KCNMB2: variants seen among roughly 807,000 people sequenced by gnomAD.
KCNMB2 encodes potassium calcium-activated channel subfamily M regulatory beta subunit 2.
A neutral mutation model predicts 24.5 loss-of-function variants in KCNMB2; 9 were observed. The observed-to-expected ratio is 0.37, with a 90% CI of 0.22 to 0.64. The LOEUF is 0.64. KCNMB2 is among the 30% of genes least tolerant of loss of function. The pLI is 0.63. For synonymous variants in KCNMB2, 109 were observed against 104.4 expected (o/e 1.04, Z -0.27); for missense variants, 226 against 284.3 (o/e 0.79, Z 1.47).
At chr3:178,617,980 T>G (rs997345446) in intron 1 of KCNMB2, among the ~76,000 whole-genome samples, 1 of 151,964 alleles carries the variant, frequency 6.6e-6, no homozygotes, top group Non-Finnish European at 1.5e-5. Flanking sequence ...ATTGTAGATA[T>G]GCCTATAGAC....
intron 1 of KCNMB2, among the ~76,000 whole-genome samples, chr3:178,793,028 C>T (rs1327443518): frequency 1.3e-5 from 2 of 152,236 alleles, no homozygotes; most frequent in African/African-American, 4.8e-5. Context: ...CCAGTAAACA[C>T]AGCCACAAGC....
intron 1 of KCNMB2, among the ~76,000 whole-genome samples, chr3:178,789,508 G>A (rs1191878066): frequency 2.6e-5 from 4 of 152,182 alleles, no homozygotes; most frequent in South Asian, 2.1e-4. Context: ...CATTGAAAAG[G>A]GTAGGAAAAA....
chr3:178,747,498 T>C (rs1319068890), intron 1 of KCNMB2, among the ~76,000 whole-genome samples: 1 of 152,238 alleles, frequency 6.6e-6, no homozygotes, highest in Non-Finnish European at 1.5e-5. Context: ...AACAATCTTA[T>C]AATGAAAATT....
At chr3:178,555,591 G>T (rs1716096117) in intron 1 of KCNMB2, among the ~76,000 whole-genome samples, 1 of 152,178 alleles carries the variant, frequency 6.6e-6, no homozygotes, top group South Asian at 2.1e-4. Context: ...TGTTTACAAA[G>T]CCCTATTGTC....
chr3:178,588,270 G>A (rs1050089422), intron 1 of KCNMB2, among the ~76,000 whole-genome samples: 1 of 152,034 alleles, frequency 6.6e-6, no homozygotes, highest in Non-Finnish European at 1.5e-5. Context: ...TCCAATCAGA[G>A]GTTAAAAGCT....
chr3:178,807,484 T>G lies in KCNMB2; in HGVS notation c.56+19T>G, dbSNP rs1714019121. On this transcript the variant is annotated intron_variant, in intron 2 of 4. Transcript: ENST00000452583. ...AAAAAAGGTAAATGCACTGGGATTCTGGGCACTTTTCAGAAGCATTTAACC... is the reference window on the plus strand; with the variant it reads ...AAAAAAGGTAAATGCACTGGGATTCGGGGCACTTTTCAGAAGCATTTAACC... The G allele has an allele frequency of 6.2e-7, 1 of 1,609,568 alleles. No homozygotes were observed. The highest frequency in any genetic ancestry group is 1.3e-5 in the African/African-American group (1 of 74,832).
chr3:178,739,231 T>C (rs1174844632), intron 1 of KCNMB2, among the ~76,000 whole-genome samples: 1 of 152,104 alleles, frequency 6.6e-6, no homozygotes, highest in Non-Finnish European at 1.5e-5. Context: ...AACCTCTCAG[T>C]CAGCTTCCGC....
intron 1 of KCNMB2, among the ~76,000 whole-genome samples, chr3:178,612,427 G>A (rs555468944): frequency 3.3e-5 from 5 of 152,040 alleles, no homozygotes; most frequent in African/African-American, 1.2e-4. Context: ...CTGCAGTGTT[G>A]GGTGCATATA....
In KCNMB2 at chr3:178,768,456, A is replaced by G. The variant is rs1712213315; in HGVS notation, c.-67-38887A>G. Among the ~76,000 whole-genome samples, 3 of 152,308 alleles carry G rather than the reference A, an allele frequency of 2.0e-5. No homozygotes were observed. In the South Asian group the frequency reaches 6.2e-4, roughly 32 times the overall value. On this transcript the variant is annotated intron_variant, in intron 1 of 4. Transcript: ENST00000452583. ...AAATATTTATACATGATAAATAAAA[A>G]TTTATCATGTACTCTAAATGATAAT...
intron 1 of KCNMB2, among the ~76,000 whole-genome samples, chr3:178,679,058 G>T (rs13087600): frequency 0.3 from 44,990 of 149,150 alleles, 6,930 homozygotes; most frequent in African/African-American, 0.39. Flanking sequence ...TTTTGTTTTT[G>T]TTTTTTTTAT....
intron 1 of KCNMB2, among the ~76,000 whole-genome samples, chr3:178,660,680 T>C (rs6762581): frequency 0.74 from 112,359 of 152,134 alleles, 42,567 homozygotes; most frequent in African/African-American, 0.93. Flanking sequence ...TTGGTGAATG[T>C]TATTTTACAG....
chr3:178,761,930 G>A (rs1157562545), intron 1 of KCNMB2, among the ~76,000 whole-genome samples: 2 of 152,182 alleles, frequency 1.3e-5, no homozygotes, highest in East Asian at 1.9e-4. Flanking sequence ...GCAGCACTTT[G>A]GGAGGCCGAG....
chr3:178,697,340 C>T (rs188185155), intron 1 of KCNMB2, among the ~76,000 whole-genome samples: 2 of 152,260 alleles, frequency 1.3e-5, no homozygotes, highest in Admixed American at 1.3e-4. Context: ...TTGAATTGAA[C>T]CCTTTACCAT....
In KCNMB2 at chr3:178,841,236, A is replaced by G. The variant is rs56097957; in HGVS notation, c.424-1417A>G. ...AGTTCCCAGTAAGTTACTCATCTCC[A>G]TCTGAAACTACCTCATTCCAGACTT... On this transcript the variant is annotated intron_variant, in intron 4 of 4. Coordinates refer to ENST00000452583, the MANE Select transcript of KCNMB2 (RefSeq NM_181361.3). Among the ~76,000 whole-genome samples, 1,253 of 152,310 alleles carry G rather than the reference A, an allele frequency of 8.2e-3. 8 individuals carry two copies. Among genetic ancestry groups the G allele is most frequent in the Non-Finnish European group, 0.012 (799 of 68,028 alleles).
intron 1 of KCNMB2, among the ~76,000 whole-genome samples, chr3:178,701,435 T>C (rs923556974): frequency 3.3e-5 from 5 of 152,228 alleles, no homozygotes; most frequent in African/African-American, 1.2e-4. Context: ...GACTTGGCAA[T>C]GAGGGCTCTT....
intron 1 of KCNMB2, among the ~76,000 whole-genome samples, chr3:178,654,602 T>A (rs1196721446): frequency 6.6e-6 from 1 of 152,222 alleles, no homozygotes; most frequent in Non-Finnish European, 1.5e-5. Context: ...ATACATGTTA[T>A]CTCTTGAGGC....
chr3:178,694,683 T>C (rs1721810589), intron 1 of KCNMB2, among the ~76,000 whole-genome samples: 1 of 152,208 alleles, frequency 6.6e-6, no homozygotes, highest in African/African-American at 2.4e-5. Flanking sequence ...AGTTCCAAAA[T>C]GATCTCTTTT....
At chr3:178,589,721 T>G (rs1176674070) in intron 1 of KCNMB2, among the ~76,000 whole-genome samples, 1 of 152,174 alleles carries the variant, frequency 6.6e-6, no homozygotes, top group Non-Finnish European at 1.5e-5. Flanking sequence ...ACAATAGATT[T>G]ATTTCAGCCT....
At chr3:178,814,354 A>G (rs1249519193) in intron 2 of KCNMB2, among the ~76,000 whole-genome samples, 1 of 152,166 alleles carries the variant, frequency 6.6e-6, no homozygotes, top group Non-Finnish European at 1.5e-5. Flanking sequence ...TTGATGGTGT[A>G]TATGTACCAC....
Sources: gnomAD v4.1 joint callset for allele counts (sites outside exome capture counted in the v4.1 genomes callset) on GRCh38, gnomAD v4.1.1 for gene constraint, MANE v1.5 for transcripts, NCBI Gene and HGNC (gene_info 2026-07-23, HGNC 2026-07-21) for gene names.